Variants in SS18L1 observed in about 807,000 individuals in gnomAD.
SS18L1 encodes SS18L1 subunit of BAF chromatin remodeling complex, also known as calcium-responsive transactivator.
In SS18L1, 32 loss-of-function variants were observed where a neutral mutation model predicts 70.3. That is an observed-to-expected ratio of 0.46 (90% CI 0.34 to 0.61). SS18L1 has a LOEUF of 0.61. Among genes scored for constraint, SS18L1 ranks in the 20% least tolerant of loss-of-function variants. SS18L1 has a pLI of 0.01. For synonymous variants in SS18L1, 237 were observed against 229.7 expected (o/e 1.03, Z -0.29); for missense variants, 430 against 542.1 (o/e 0.79, Z 2.05).
chr20:62,150,376 G>A (rs374234305), intron 1 of SS18L1, among the ~76,000 whole-genome samples: 40 of 152,348 alleles, frequency 2.6e-4, no homozygotes, highest in African/African-American at 7.5e-4. Flanking sequence ...AGGCGCTAGC[G>A]CAGGTGCCAT....
At chr20:62,155,633 C>G (rs1002729990) in intron 1 of SS18L1, among the ~76,000 whole-genome samples, 2 of 152,178 alleles carry the variant, frequency 1.3e-5, no homozygotes, top group African/African-American at 4.8e-5. Context: ...GCCCAAGCAT[C>G]TTTCCTCCAG....
chr20:62,150,350 C>T (rs541553068), intron 1 of SS18L1, among the ~76,000 whole-genome samples: 4 of 152,320 alleles, frequency 2.6e-5, no homozygotes, highest in East Asian at 1.9e-4. Flanking sequence ...ATGTCTGCCC[C>T]GAGAACAGGA....
chr20:62,166,579 C>G (rs6121522), intron 8 of SS18L1, among the ~76,000 whole-genome samples: 7,557 of 151,666 alleles, frequency 0.05, 605 homozygotes, highest in African/African-American at 0.17. Context: ...TCAGTTACAC[C>G]TTTGTAAACC....
Position 62,158,985 on chromosome 20 carries a change from T to G in SS18L1, c.146+237T>G. ...AGTCCCCCAGCACGGAGGCCAGATA[T>G]GTCCCGAGAGTCCCCCAGCACGGAG... On this transcript the variant is annotated intron_variant, in intron 2 of 10. Transcript: ENST00000331758. The surrounding 1 kb of genome is among the most constrained non-coding windows in gnomAD (Gnocchi z 4.5). 6.5e-7 allele frequency: 1 copy of G among 1,539,226 alleles called. No homozygotes were observed. The highest frequency in any genetic ancestry group is 8.7e-7 in the Non-Finnish European group (1 of 1,143,892).
At chr20:62,163,306 A>G (rs780766955) in intron 5 of SS18L1, 152 bp from the exon 6 acceptor site, 1 of 1,127,656 alleles carries the variant, frequency 8.9e-7, no homozygotes, top group Non-Finnish European at 1.3e-6. Context: ...CAGGCCACGT[A>G]GGGGAGGCGT....
chr20:62,147,419 C>CGT (rs1195720366), intron 1 of SS18L1, among the ~76,000 whole-genome samples: 1 of 152,106 alleles, frequency 6.6e-6, no homozygotes, highest in East Asian at 1.9e-4. Flanking sequence ...TTGTCCAGTG[C>CGT]GTGCTCCTTA....
Position 62,179,653 on chromosome 20 carries a change from G to A in SS18L1, c.*445G>A, listed in dbSNP as rs2057678541. 1 of 157,764 alleles carries A rather than the reference G, an allele frequency of 6.3e-6. No individual in the cohort carries two copies. The highest frequency in any genetic ancestry group is 2.2e-4 in the South Asian group (1 of 4,458). The allele number at this position is 157,764 out of a possible 1,614,324, so 9.8% of individuals were successfully genotyped here. A position where few individuals can be genotyped will look rare whatever the true frequency, so the allele number is the denominator to read the frequency against. On this transcript the variant is annotated 3_prime_UTR_variant, in exon 11 of 11. Transcript: ENST00000331758. Reference sequence around the variant, plus strand: ...GTGGGTTGTCAACTTTTCTTTAACTGGCTACGCCACAGCTGGACACACATG... The same window carrying A: ...GTGGGTTGTCAACTTTTCTTTAACTAGCTACGCCACAGCTGGACACACATG...
intron 1 of SS18L1, among the ~76,000 whole-genome samples, chr20:62,148,405 G>A (rs6121914): frequency 0.04 from 5,837 of 145,816 alleles, 379 homozygotes; most frequent in African/African-American, 0.14. Flanking sequence ...AGGGAGGCTC[G>A]GCCTCCTTGC....
intron 8 of SS18L1, among the ~76,000 whole-genome samples, chr20:62,170,020 G>A (rs986940118): frequency 7.9e-5 from 12 of 152,342 alleles, no homozygotes; most frequent in Admixed American, 2.6e-4. Flanking sequence ...CTGCGTCCTC[G>A]TGTGGATCAC....
intron 1 of SS18L1, among the ~76,000 whole-genome samples, chr20:62,157,572 G>A (rs1033475365): frequency 3.9e-5 from 6 of 152,172 alleles, no homozygotes; most frequent in African/African-American, 1.2e-4. Flanking sequence ...AGCACGTGGC[G>A]CCTGCAGAGA....
In SS18L1 at chr20:62,158,642, C is replaced by T. The variant is rs754954460; in HGVS notation, c.70-30C>T. 7.5e-6 allele frequency: 12 copies of T among 1,609,256 alleles called. No homozygotes were observed. Among genetic ancestry groups the T allele is most frequent in the African/African-American group, 2.7e-5 (2 of 74,912 alleles). On this transcript the variant is annotated intron_variant, in intron 1 of 10. Transcript: ENST00000331758. This position sits in a 1 kb window ranked among gnomAD's most constrained non-coding sequence, Gnocchi z 4.5. ...CCGAGGGTCAGCGACAGCCCCGCGT[C>T]GGCAGCGCCCGCTCACGCTCTCTCC... is the stretch of plus-strand genomic sequence containing the variant.
chr20:62,155,860 C>T (rs2057212392), intron 1 of SS18L1, among the ~76,000 whole-genome samples: 1 of 152,054 alleles, frequency 6.6e-6, no homozygotes, highest in Admixed American at 6.5e-5. Flanking sequence ...CCATCTTGTG[C>T]CCTCCCCATT....
chr20:62,162,935 C>T lies in SS18L1; in HGVS notation c.556+4C>T. 2.5e-6 allele frequency: 4 copies of T among 1,609,676 alleles called. No individual in the cohort carries two copies. Among genetic ancestry groups the T allele is most frequent in the Admixed American group, 1.7e-5 (1 of 59,838 alleles). The stretch of plus-strand genomic sequence containing the variant: ...ATCAACATGCAGTCCAACCCAGGTA[C>T]CTACTCTGCCTCTGCAACCCCGGGG... On this transcript the variant is annotated splice_donor_region_variant and intron_variant, in intron 5 of 10. Coordinates refer to ENST00000331758, the MANE Select transcript of SS18L1 (RefSeq NM_198935.3).
In SS18L1 at chr20:62,162,921, G is replaced by T. The variant is rs924199679; in HGVS notation, c.546G>T (p.Gln182His). 5 of 1,612,182 alleles carry T rather than the reference G, an allele frequency of 3.1e-6. No individual in the cohort carries two copies. The African/African-American group carries it at 5.4e-5, about 17-fold the overall frequency. Residue 182 changes from glutamine (Q) to histidine (H), a missense_variant, in exon 5 of 11, where the codon CAG becomes CAT. Coordinates refer to ENST00000331758, the MANE Select transcript of SS18L1 (RefSeq NM_198935.3). ...TGTCTCGGACCAACATCAACATGCA[G>T]TCCAACCCAGGTACCTACTCTGCCT... ...NYVSRTNINM[Q>H]SNPVSMMQQQ...
chr20:62,154,215 G>C, intron 1 of SS18L1: 1 of 575,516 alleles, frequency 1.7e-6, no homozygotes, highest in African/African-American at 2.0e-5. Context: ...ATTACTGGAA[G>C]GACCCTGGGA....
At position 62,162,748 on chromosome 20, in the gene SS18L1, C is replaced by G; in HGVS notation, c.377-4C>G. ...CTGACACCACTCCCTGCTCCCCATG[C>G]CAGGGCCGAGCCACGTGTCCATGCA... On this transcript the variant is annotated splice_region_variant and splice_polypyrimidine_tract_variant and intron_variant, in intron 4 of 10. Coordinates refer to ENST00000331758, the MANE Select transcript of SS18L1 (RefSeq NM_198935.3). The G allele has an allele frequency of 6.2e-7, 1 of 1,604,934 alleles. No homozygotes were observed. Among genetic ancestry groups the G allele is most frequent in the Non-Finnish European group, 8.5e-7 (1 of 1,174,348 alleles).
rs2057292009 is a variant in SS18L1 at position 62,159,832 on chromosome 20, C to T, written c.147-45C>T. ...TCTGCCTTGGATCCACGTGGGGACT[C>T]TGTGGTCCCGTCGTCCTGCCTCATG... is the stretch of plus-strand genomic sequence containing the variant. On this transcript the variant is annotated intron_variant, in intron 2 of 10. Transcript: ENST00000331758. This position sits in a 1 kb window ranked among gnomAD's most constrained non-coding sequence, Gnocchi z 4.4. 2 of 1,584,848 alleles carry T rather than the reference C, an allele frequency of 1.3e-6. No homozygotes were observed. Among genetic ancestry groups the T allele is most frequent in the East Asian group, 2.3e-5 (1 of 44,144 alleles).
chr20:62,170,964 C>G (rs987286068), intron 8 of SS18L1, among the ~76,000 whole-genome samples: 1 of 151,240 alleles, frequency 6.6e-6, no homozygotes, highest in South Asian at 2.1e-4. Flanking sequence ...TGCAGTGATG[C>G]GATCTCGGCT....
chr20:62,144,467 G>A (rs988379974), intron 1 of SS18L1, among the ~76,000 whole-genome samples: 2 of 152,214 alleles, frequency 1.3e-5, no homozygotes, highest in Non-Finnish European at 2.9e-5. Context: ...TGGAGGCACG[G>A]AAGGACGCGT....
Sources: gnomAD v4.1 joint callset for allele counts (sites outside exome capture counted in the v4.1 genomes callset) on GRCh38, gnomAD v4.1.1 for gene constraint, Gnocchi (gnomAD v3.1) non-coding constraint, MANE v1.5 for transcripts, NCBI Gene and HGNC (gene_info 2026-07-23, HGNC 2026-07-21) for gene names.